SDCBP2: variants seen among roughly 807,000 people sequenced by gnomAD.
SDCBP2 encodes the protein syntenin-2.
SDCBP2 carries 28 observed loss-of-function variants against 30.7 expected under a neutral mutation model. That is an observed-to-expected ratio of 0.91 (90% confidence interval 0.68 to 1.25). The LOEUF (loss-of-function observed/expected upper bound fraction) is 1.25, where lower values mean the gene tolerates loss of function less well. Among genes scored for constraint, SDCBP2 ranks in the 50% most tolerant of loss-of-function variants. The pLI is 0.00. For missense variants in SDCBP2, 399 were observed against 379.0 expected (o/e 1.05, Z -0.44); for synonymous variants, 166 against 157.3 (o/e 1.06, Z -0.41).
At chr20:1,326,761 G>A (rs1160416716) in intron 1 of SDCBP2, among the ~76,000 whole-genome samples, 1 of 152,184 alleles carries the variant, frequency 6.6e-6, no homozygotes, top group Non-Finnish European at 1.5e-5. Context: ...GTGTTTGTTT[G>A]CTCATCTCCC....
At chr20:1,311,096 G>A (rs891367956) in intron 7 of SDCBP2, 6 of 501,858 alleles carry the variant, frequency 1.2e-5, no homozygotes, top group Non-Finnish European at 1.8e-5. Flanking sequence ...GTGAGAACAT[G>A]GGTCTCCCAC....
chr20:1,319,645 G>C lies in SDCBP2; in HGVS notation c.69C>G (p.Ala23=). 6.4e-7 allele frequency: 1 copy of C among 1,567,504 alleles called. No homozygotes were observed. Among genetic ancestry groups the C allele is most frequent in the African/African-American group, 1.3e-5 (1 of 74,528 alleles). Reference sequence around the variant, plus strand: ...CTGGCAGGGCTGGCATCTTGGGTGAGGCTCTGACCTGGGCCTGGGGAGGAG... The same window carrying C: ...CTGGCAGGGCTGGCATCTTGGGTGACGCTCTGACCTGGGCCTGGGGAGGAG... ...VDQAIQAQVR[A]SPKMPALPVQ... Residue 23 remains alanine (A), a synonymous_variant, in exon 3 of 9, where the codon GCC becomes GCG. Coordinates refer to ENST00000360779, the MANE Select transcript of SDCBP2 (RefSeq NM_080489.5).
chr20:1,325,154 C>T (rs1490159828), intron 1 of SDCBP2, among the ~76,000 whole-genome samples: 2 of 152,174 alleles, frequency 1.3e-5, no homozygotes, highest in Non-Finnish European at 2.9e-5. Flanking sequence ...TCCAACGCAA[C>T]GGTCCCTAGG....
At chr20:1,322,250 C>A (rs1057388349) in intron 1 of SDCBP2, 1 of 152,220 alleles carries the variant, frequency 6.6e-6, no homozygotes, top group African/African-American at 2.4e-5. Flanking sequence ...TTACAGGAAG[C>A]CTGCTTTGAT....
Position 1,320,160 on chromosome 20 carries a change from G to A in SDCBP2, c.54+203C>T, listed in dbSNP as rs745817125. 6.6e-6 allele frequency among the ~76,000 whole-genome samples: 1 copy of A among 152,218 alleles called. No individual in the cohort carries two copies. The highest frequency in any genetic ancestry group is 1.5e-5 in the Non-Finnish European group (1 of 68,030). The stretch of plus-strand genomic sequence containing the variant: ...GCAGGCATGAGAGAGGCATGCGTGC[G>A]CTGCTTGGTCTTTTCTATTCTTGCT... On this transcript the variant is annotated intron_variant, in intron 2 of 8. Transcript: ENST00000360779. This position sits in a 1 kb window ranked among gnomAD's most constrained non-coding sequence, Gnocchi z 4.7.
chr20:1,314,507 AAAAAGGAAAGG>A (rs1387039609), intron 4 of SDCBP2, among the ~76,000 whole-genome samples: 52 of 145,708 alleles, frequency 3.6e-4, no homozygotes, highest in African/African-American at 1.1e-3. Context: ...AAAAAAAAAA[AAAAAGGAAAGG>A]AAAGGAAAGG....
rs1358135683 is a variant in SDCBP2 at position 1,321,340 on chromosome 20, C to A, written c.-19-905G>T. 1 of 152,354 alleles carries A rather than the reference C, an allele frequency of 6.6e-6. No individual in the cohort carries two copies. The highest frequency in any genetic ancestry group is 1.5e-5 in the Non-Finnish European group (1 of 68,104). The allele number at this position is 152,354 out of a possible 1,614,324, so 9.4% of individuals were successfully genotyped here. A position where few individuals can be genotyped will look rare whatever the true frequency, so the allele number is the denominator to read the frequency against. ...TTCCCAGGATCAGATCCGCTGGGCA[C>A]CTCCCTGAGTGACCACAGGCACGCC... On this transcript the variant is annotated intron_variant, in intron 1 of 8. Transcript: ENST00000360779. The surrounding 1 kb of genome is among the most constrained non-coding windows in gnomAD (Gnocchi z 5.2).
intron 1 of SDCBP2, chr20:1,323,492 C>T (rs182060662): frequency 6.6e-6 from 1 of 152,168 alleles, no homozygotes; most frequent in Non-Finnish European, 1.5e-5. Context: ...AAATCACTCC[C>T]GGGCCAGATC....
chr20:1,326,141 G>A (rs946811345), intron 1 of SDCBP2, among the ~76,000 whole-genome samples: 1 of 152,250 alleles, frequency 6.6e-6, no homozygotes, highest in African/African-American at 2.4e-5. Flanking sequence ...AGTGGGAAGA[G>A]AGTGTGCTAT....
intron 8 of SDCBP2, 56 bp from the exon 9 acceptor site, chr20:1,310,551 C>T: frequency 3.9e-6 from 6 of 1,539,208 alleles, no homozygotes; most frequent in Non-Finnish European, 5.3e-6. Flanking sequence ...CACCCTCCAG[C>T]AACCTCCACC....
At chr20:1,316,034 G>A (rs1194606582) in intron 4 of SDCBP2, among the ~76,000 whole-genome samples, 2 of 152,190 alleles carry the variant, frequency 1.3e-5, no homozygotes, top group African/African-American at 2.4e-5. Context: ...CCCGGGAGGT[G>A]GAGGCTGCAG....
intron 4 of SDCBP2, among the ~76,000 whole-genome samples, chr20:1,314,099 A>C (rs998615129): frequency 2.6e-5 from 4 of 152,218 alleles, no homozygotes; most frequent in Admixed American, 6.5e-5. Flanking sequence ...AGACCAAATA[A>C]AAGAGTTTAG....
At chr20:1,311,122 G>T (rs935076181) in intron 7 of SDCBP2, 4 of 477,378 alleles carry the variant, frequency 8.4e-6, no homozygotes, top group South Asian at 7.2e-5. Context: ...GATCTCCTTG[G>T]TCAAATGAGC....
rs1485017353 is a variant in SDCBP2, at chr20:1,313,207, A to G, written c.384+133T>C. ...TCTCGGGGAGGAGGGACTGGGGGCA[A>G]GAGCCTGGCCGCTGGGGTTAGGAGG... On this transcript the variant is annotated intron_variant, in intron 5 of 8. Transcript: ENST00000360779. This position sits in a 1 kb window ranked among gnomAD's most constrained non-coding sequence, Gnocchi z 5.2. 1.0e-6 allele frequency: 1 copy of G among 967,090 alleles called. No homozygotes were observed. Among genetic ancestry groups the G allele is most frequent in the Non-Finnish European group, 1.5e-6 (1 of 646,800 alleles). The allele number at this position is 967,090 out of a possible 1,614,324, so 59.9% of individuals were successfully genotyped here.
At chr20:1,316,990 A>G (rs1207721943) in intron 4 of SDCBP2, among the ~76,000 whole-genome samples, 2 of 152,152 alleles carry the variant, frequency 1.3e-5, no homozygotes, top group African/African-American at 4.8e-5. Flanking sequence ...GCCAACCTCA[A>G]ATGGTCACAT....
Position 1,312,610 on chromosome 20 carries a change from C to G in SDCBP2, c.537G>C (p.Lys179Asn), listed in dbSNP as rs765543642. The change falls in exon 6 of 9, where the codon AAG (lysine) becomes AAC (asparagine). Residue 179 changes from lysine (K) to asparagine (N), a missense_variant. Coordinates refer to ENST00000360779, the MANE Select transcript of SDCBP2 (RefSeq NM_080489.5). ...HQVVKKASGD[K>N]IVVVVRDRPF... ...ACCTGTCCCGAACCACCACGACAAT[C>G]TTATCGCCTGATGCCTTCTTCACCA... 1.2e-6 allele frequency: 2 copies of G among 1,614,082 alleles called. No homozygotes were observed. The highest frequency in any genetic ancestry group is 3.3e-5 in the Admixed American group (2 of 60,022).
intron 1 of SDCBP2, chr20:1,322,300 T>C (rs948107873): frequency 6.6e-6 from 1 of 152,224 alleles, no homozygotes; most frequent in Non-Finnish European, 1.5e-5. Flanking sequence ...CCTACTCCTG[T>C]TGAGTATTCA....
Position 1,310,371 on chromosome 20 carries a change from T to C in SDCBP2, c.*70A>G. ...GCAGCAGGCCGGCTGCAACCCATCATCCGAGGGTGGTTGCCCTTTGCTGCA... is the reference window on the plus strand; with the variant it reads ...GCAGCAGGCCGGCTGCAACCCATCACCCGAGGGTGGTTGCCCTTTGCTGCA... On this transcript the variant is annotated 3_prime_UTR_variant, in exon 9 of 9. Transcript: ENST00000360779. 6.6e-7 allele frequency: 1 copy of C among 1,508,628 alleles called. No individual in the cohort carries two copies. The highest frequency in any genetic ancestry group is 2.3e-5 in the East Asian group (1 of 44,284). 93.5% of individuals were successfully genotyped at this position (1,508,628 alleles called of 1,614,324 possible).
chr20:1,327,452 G>A (rs1376061963), intron 1 of SDCBP2, among the ~76,000 whole-genome samples: 1 of 152,216 alleles, frequency 6.6e-6, no homozygotes, highest in African/African-American at 2.4e-5. Flanking sequence ...CTCCTGGAAG[G>A]CCAAATTAGC....
Sources: gnomAD v4.1 joint callset for allele counts (sites outside exome capture counted in the v4.1 genomes callset) on GRCh38, gnomAD v4.1.1 for gene constraint, Gnocchi (gnomAD v3.1) non-coding constraint, MANE v1.5 for transcripts, NCBI Gene and HGNC (gene_info 2026-07-23, HGNC 2026-07-21) for gene names.